Variants in HELZ2 observed in about 807,000 individuals in gnomAD.
The protein encoded by HELZ2 is helicase with zinc finger 2.
A neutral mutation model predicts 208.8 loss-of-function variants in HELZ2; 143 were observed. The observed-to-expected ratio is 0.68, with a 90% CI of 0.60 to 0.79. The LOEUF is 0.79. Ranked by LOEUF, HELZ2 falls within the 30% of genes least tolerant of loss-of-function variation. The pLI, the probability that HELZ2 is intolerant of heterozygous loss-of-function variation, is 0.00. For missense variants in HELZ2, 3,690 were observed against 3,794.5 expected (o/e 0.97, Z 0.72); for synonymous variants, 1,705 against 1,693.7 (o/e 1.01, Z -0.16).
At chr20:63,563,632 G>A (rs756215698) in exon 8 of HELZ2, 91 of 1,543,410 alleles carry the variant, frequency 5.9e-5, no homozygotes, top group South Asian at 1.3e-4. Context: ...TGAGCTGCAC[G>A]GCCAGGTGCA....
exon 8 of HELZ2, chr20:63,564,750 T>C: frequency 2.0e-5 from 32 of 1,611,890 alleles, no homozygotes; most frequent in Non-Finnish European, 2.6e-5. Context: ...TCTCGGACAC[T>C]GAGGGCATCA....
chr20:63,572,066 G>GGCTCCTGCCCTACTCCAA, intron 1 of HELZ2, 42 bp downstream of exon 2: 2 of 1,552,946 alleles, frequency 1.3e-6, no homozygotes, highest in Non-Finnish European at 1.7e-6. Flanking sequence ...GCCTATGGTG[G>GGCTCCTGCCCTACTCCAA]GCTCCTGCCC....
In HELZ2 at chr20:63,564,425, C is replaced by T. The variant is rs200336089; in HGVS notation, c.4397G>A (p.Arg1466Lys). The T allele has an allele frequency of 1.4e-4, 215 of 1,550,318 alleles. 1 individual carries two copies. In the African/African-American group the frequency reaches 2.6e-3, roughly 19 times the overall value. The stretch of plus-strand genomic sequence containing the variant: ...CTCACGGCCGGCACCCGGGTGCTGC[C>T]TGATCACCTCCTCCGCCTCCTCGTA... The change falls in exon 8 of 19, where the codon AGG (arginine) becomes AAG (lysine). Residue 1466 changes from arginine (R) to lysine (K), a missense_variant. By Grantham distance (26) the Arg-to-Lys change is conservative (BLOSUM62 2). Around this residue, in one of 3 missense-constraint regions of HELZ2, gnomAD observed 2,564 missense variants for 2,580.5 expected, o/e 0.99. Coordinates refer to ENST00000467148, the Ensembl canonical transcript of HELZ2.
Position 63,559,922 on chromosome 20 carries a change from C to A in HELZ2, c.7825+6G>T, listed in dbSNP as rs1223497769. The A allele has an allele frequency of 1.2e-6, 2 of 1,608,638 alleles. No individual in the cohort carries two copies. Among genetic ancestry groups the A allele is most frequent in the Middle Eastern group, 1.7e-4 (1 of 5,760 alleles). ...CCACCCTGGAAGAGCCCAGCCCCGC[C>A]CTCACCGATCAGGCAGAGCCCCTCC... is the stretch of plus-strand genomic sequence containing the variant. On this transcript the variant is annotated splice_donor_region_variant and intron_variant, in intron 18 of 18. Coordinates refer to ENST00000467148, the Ensembl canonical transcript of HELZ2.
chr20:63,565,497 G>A (rs1177390713), exon 8 of HELZ2: 1 of 1,606,668 alleles, frequency 6.2e-7, no homozygotes, highest in Non-Finnish European at 8.5e-7. Flanking sequence ...TTCTCGTACA[G>A]CCGGGCCTGC....
At position 63,565,966 on chromosome 20, in the gene HELZ2, C is replaced by G. The variant is rs149683642; in HGVS notation, c.2856G>C (p.Glu952Asp). ...AGCGCCGTCTCTGCGCCACACCCTG[C>G]TCGACCTGCTCCATGGACAGGCCCT... The change falls in exon 8 of 19, where the codon GAG becomes GAC. Residue 952 changes from glutamate to aspartate, a missense_variant. Physicochemically the swap from Glu to Asp is conservative, Grantham distance 45. This residue lies in a region of HELZ2 where 2,564 missense variants were observed against 2,580.5 expected (regional missense o/e 0.99). Coordinates refer to ENST00000467148, the Ensembl canonical transcript of HELZ2. 95 of 1,599,182 alleles carry G rather than the reference C, an allele frequency of 5.9e-5. No homozygotes were observed. The highest frequency in any genetic ancestry group is 5.5e-4 in the African/African-American group (41 of 75,020).
chr20:63,559,956 C>G, exon 18 of HELZ2: 1 of 1,611,518 alleles, frequency 6.2e-7, no homozygotes, highest in Non-Finnish European at 8.5e-7. Context: ...CCTGGGCCCG[C>G]GTGACAGCCA....
rs1182898913 is a variant in HELZ2, at chr20:63,559,261, T to TG, written c.7934dup (p.Thr2646AsnfsTer?). 1 of 1,572,302 alleles carries TG rather than the reference T, an allele frequency of 6.4e-7. No individual in the cohort carries two copies. The highest frequency in any genetic ancestry group is 2.3e-5 in the East Asian group (1 of 43,592). ...AGAGGGCTCTTCAGGAAGGCATAGT[T>TG]GGCCTCCTGCAGACGCGCACCTGGC... On this transcript the variant is annotated frameshift_variant, in exon 19 of 19. Coordinates refer to ENST00000467148, the Ensembl canonical transcript of HELZ2. LOFTEE classifies it high-confidence loss of function.
chr20:63,572,742 G>A (rs908169928), upstream of HELZ2: 5 of 261,322 alleles, frequency 1.9e-5, no homozygotes, highest in African/African-American at 6.7e-5. Context: ...AGCCATAGGC[G>A]CTGGAGGTTG....
At chr20:63,570,015 C>G (rs1380687211) in intron 3 of HELZ2, 3 of 452,490 alleles carry the variant, frequency 6.6e-6, no homozygotes, top group Non-Finnish European at 1.2e-5. Context: ...ATGGCGCGAT[C>G]TCAACTCACT....
chr20:63,562,450 T>A, intron 8 of HELZ2, 68 bp from the exon 10 acceptor site: 1 of 1,522,156 alleles, frequency 6.6e-7, no homozygotes, highest in South Asian at 1.2e-5. Context: ...CCCCACGAGC[T>A]CCCCCCTCCT....
chr20:63,566,215 G>T (rs61742585), exon 8 of HELZ2: 1 of 1,491,624 alleles, frequency 6.7e-7, no homozygotes. Context: ...TGAGCACCAC[G>T]ACCCGGAACT....
exon 18 of HELZ2, chr20:63,560,085 C>A: frequency 6.3e-7 from 1 of 1,598,710 alleles, no homozygotes; most frequent in Non-Finnish European, 8.5e-7. Flanking sequence ...GCACATAGCG[C>A]CACTCGCTCC....
At position 63,560,343 on chromosome 20, in the gene HELZ2, G is replaced by T. The variant is rs763428917; in HGVS notation, c.7501-16C>A. The T allele has an allele frequency of 1.3e-6, 2 of 1,554,496 alleles. No homozygotes were observed. Among genetic ancestry groups the T allele is most frequent in the African/African-American group, 2.7e-5 (2 of 73,520 alleles). ...TGATACGGACCTGAGGAGCCGAGGG[G>T]GCAGGTGGAGCGGACCCTGGTGTCT... On this transcript the variant is annotated splice_polypyrimidine_tract_variant and intron_variant, in intron 16 of 18. Transcript: ENST00000467148.
exon 5 of HELZ2, chr20:63,568,453 G>A (rs1486544278): frequency 2.5e-6 from 4 of 1,601,244 alleles, no homozygotes; most frequent in African/African-American, 1.3e-5. Flanking sequence ...CGGTGCCAAA[G>A]GGGCCATAGA....
At chr20:63,565,716 GCAC>G (rs1365752517) in exon 8 of HELZ2, 10 of 1,606,444 alleles carry the variant, frequency 6.2e-6, no homozygotes, top group African/African-American at 1.3e-5. Flanking sequence ...CAGGCCCCGG[GCAC>G]CACGTCTTCC....
exon 8 of HELZ2, chr20:63,564,877 G>A (rs2082933301): frequency 3.1e-6 from 5 of 1,612,380 alleles, no homozygotes; most frequent in Non-Finnish European, 4.2e-6. Flanking sequence ...CCTTGGTGAT[G>A]GTGGCCTGGT....
At position 63,561,065 on chromosome 20, in the gene HELZ2, A is replaced by T; in HGVS notation, c.7146+17T>A. The stretch of plus-strand genomic sequence containing the variant: ...AGGGACGCCTGCTCATGCTGCCCAC[A>T]CCCCCCGCCGACCAACCTTCTCGGC... On this transcript the variant is annotated intron_variant, in intron 14 of 18. Transcript: ENST00000467148. The T allele has an allele frequency of 6.2e-7, 1 of 1,604,706 alleles. No homozygotes were observed.
intron 4 of HELZ2, 60 bp downstream of exon 5, chr20:63,569,088 C>A (rs961786400): frequency 3.8e-6 from 6 of 1,584,338 alleles, no homozygotes; most frequent in Non-Finnish European, 4.3e-6. Flanking sequence ...GTTGCCCCAG[C>A]CGCTCCCATT....
Sources: allele counts gnomAD v4.1 joint callset, GRCh38; gene constraint gnomAD v4.1.1; regional missense constraint gnomAD v4.1.1; transcripts MANE v1.5; gene names NCBI Gene and HGNC (gene_info 2026-07-23, HGNC 2026-07-21).